The following ZCCHC7 variants were observed in gnomAD, a reference collection of about 807,000 sequenced individuals.
ZCCHC7 encodes zinc finger CCHC-type containing 7.
In ZCCHC7, 35 loss-of-function variants were observed where a neutral mutation model predicts 52.0. The ratio of observed to expected loss-of-function variants is 0.67; its 90% confidence interval spans 0.51 to 0.89. The LOEUF (loss-of-function observed/expected upper bound fraction) is 0.89. Among genes scored for constraint, ZCCHC7 ranks in the 40% least tolerant of loss-of-function variants. The probability of loss-of-function intolerance (pLI) is 0.00; values close to 1 mark genes in which losing one functional copy is unlikely to be tolerated. For synonymous variants in ZCCHC7, 217 were observed against 221.5 expected (o/e 0.98, Z 0.18); for missense variants, 574 against 649.1 (o/e 0.88, Z 1.26).
chr9:37,209,900 C>T (rs1426621888), intron 2 of ZCCHC7, among the ~76,000 whole-genome samples: 1 of 152,124 alleles, frequency 6.6e-6, no homozygotes, highest in Non-Finnish European at 1.5e-5. Context: ...AGAAGCCTTT[C>T]TGGATTATTG....
intron 6 of ZCCHC7, among the ~76,000 whole-genome samples, chr9:37,348,354 C>CTTTCTT (rs1326579371): frequency 8.0e-6 from 1 of 125,402 alleles, no homozygotes; most frequent in Non-Finnish European, 1.6e-5. Flanking sequence ...TTCGTTCTTT[C>CTTTCTT]TTTCTTTCTT....
At chr9:37,279,097 A>G (rs1827823251) in intron 2 of ZCCHC7, among the ~76,000 whole-genome samples, 1 of 152,166 alleles carries the variant, frequency 6.6e-6, no homozygotes, top group East Asian at 1.9e-4. Context: ...ATTCTTTGGG[A>G]TGAAGGGAAA....
intron 6 of ZCCHC7, among the ~76,000 whole-genome samples, chr9:37,337,152 A>G (rs369606014): frequency 6.6e-6 from 1 of 152,100 alleles, no homozygotes; most frequent in Non-Finnish European, 1.5e-5. Flanking sequence ...TCTTCTGTCC[A>G]TATTACTATA....
At chr9:37,142,993 T>C (rs887054869) in intron 2 of ZCCHC7, among the ~76,000 whole-genome samples, 7 of 151,830 alleles carry the variant, frequency 4.6e-5, no homozygotes, top group African/African-American at 1.7e-4. Context: ...TTATTGTGTG[T>C]GGCCTTACTA....
chr9:37,153,750 T>C (rs950677483), intron 2 of ZCCHC7, among the ~76,000 whole-genome samples: 11 of 152,176 alleles, frequency 7.2e-5, no homozygotes, highest in African/African-American at 2.4e-4. Context: ...TGTTTCTTTC[T>C]TTCCCCAGAC....
At chr9:37,184,970 A>T in intron 2 of ZCCHC7, among the ~76,000 whole-genome samples, 1 of 152,164 alleles carries the variant, frequency 6.6e-6, no homozygotes, top group East Asian at 1.9e-4. Flanking sequence ...GTGGGTTTCT[A>T]GGAATGTTAG....
intron 5 of ZCCHC7, among the ~76,000 whole-genome samples, chr9:37,310,302 C>T (rs1225005953): frequency 6.6e-6 from 1 of 152,322 alleles, no homozygotes; most frequent in Non-Finnish European, 1.5e-5. Context: ...CACTTGCCAA[C>T]AATTTTTAAA....
At chr9:37,274,619 A>G (rs7024611) in intron 2 of ZCCHC7, among the ~76,000 whole-genome samples, 7,721 of 152,040 alleles carry the variant, frequency 0.051, 641 homozygotes, top group African/African-American at 0.17. Flanking sequence ...GATTACAGGC[A>G]TGAGCCACCA....
chr9:37,269,239 T>A (rs567983562), intron 2 of ZCCHC7, among the ~76,000 whole-genome samples: 1 of 152,336 alleles, frequency 6.6e-6, no homozygotes, highest in South Asian at 2.1e-4. Context: ...TTTTGAACGT[T>A]ATTTTTAGAG....
At chr9:37,186,714 C>A (rs1423478423) in intron 2 of ZCCHC7, 2 of 581,340 alleles carry the variant, frequency 3.4e-6, no homozygotes, top group South Asian at 2.1e-5. Context: ...CCTTGCAGGC[C>A]AAGAATAAAA....
chr9:37,131,657 GA>G (rs991461007), intron 2 of ZCCHC7, among the ~76,000 whole-genome samples: 5 of 151,506 alleles, frequency 3.3e-5, no homozygotes, highest in Admixed American at 2.6e-4. Context: ...AAAAGAAAAA[GA>G]AAAAAAAGAA....
chr9:37,263,777 T>G lies in ZCCHC7; in HGVS notation c.611-38411T>G, dbSNP rs1826972259. Reference sequence around the variant, plus strand: ...TAGAATTTCTTTTCCTTTTTCAAGTTAAGACAGAAAACCCAGCCAATCAAT... The same window carrying G: ...TAGAATTTCTTTTCCTTTTTCAAGTGAAGACAGAAAACCCAGCCAATCAAT... On this transcript the variant is annotated intron_variant, in intron 2 of 8. Transcript: ENST00000336755. Among the ~76,000 whole-genome samples, 3 of 152,198 alleles carry G rather than the reference T, an allele frequency of 2.0e-5. No individual in the cohort carries two copies. The South Asian group carries it at 6.2e-4, about 32-fold the overall frequency.
intron 2 of ZCCHC7, among the ~76,000 whole-genome samples, chr9:37,297,366 TGAGA>T (rs746747531): frequency 6.6e-6 from 1 of 152,202 alleles, no homozygotes; most frequent in African/African-American, 2.4e-5. Context: ...GTCTTTTACA[TGAGA>T]GAGATTCAGT....
chr9:37,170,585 G>A (rs1821675541), intron 2 of ZCCHC7, among the ~76,000 whole-genome samples: 1 of 152,168 alleles, frequency 6.6e-6, no homozygotes, highest in African/African-American at 2.4e-5. Context: ...AGGAATTTGG[G>A]TGTAATTTGT....
chr9:37,128,169 G>A (rs947525084), intron 2 of ZCCHC7, among the ~76,000 whole-genome samples: 1 of 152,184 alleles, frequency 6.6e-6, no homozygotes, highest in Non-Finnish European at 1.5e-5. Flanking sequence ...GATTGGGTTG[G>A]GGGCCAGGTT....
intron 2 of ZCCHC7, among the ~76,000 whole-genome samples, chr9:37,165,146 A>G (rs1205193288): frequency 1.3e-5 from 2 of 152,184 alleles, no homozygotes; most frequent in African/African-American, 4.8e-5. Flanking sequence ...TACAGTTTCC[A>G]GTATTACTGG....
At chr9:37,201,952 T>TA (rs1823654932) in intron 2 of ZCCHC7, among the ~76,000 whole-genome samples, 1 of 152,242 alleles carries the variant, frequency 6.6e-6, no homozygotes, top group Admixed American at 6.5e-5. Context: ...ATGTGGGTTT[T>TA]AAGAGCTTGT....
chr9:37,131,849 G>C (rs1459536380), intron 2 of ZCCHC7, among the ~76,000 whole-genome samples: 2 of 152,080 alleles, frequency 1.3e-5, no homozygotes, highest in Non-Finnish European at 2.9e-5. Context: ...TAACAGTCTA[G>C]CCTTCCTCGG....
intron 6 of ZCCHC7, among the ~76,000 whole-genome samples, chr9:37,335,916 A>T (rs562825489): frequency 6.6e-6 from 1 of 152,344 alleles, no homozygotes; most frequent in East Asian, 1.9e-4. Context: ...CTTAAGTGAT[A>T]ACTTCAGTAC....
Sources: allele counts gnomAD v4.1 joint callset (sites outside exome capture counted in the v4.1 genomes callset), GRCh38; gene constraint gnomAD v4.1.1; transcripts MANE v1.5; gene names NCBI Gene and HGNC (gene_info 2026-07-23, HGNC 2026-07-21).